HSD17B12: variants seen among roughly 807,000 people sequenced by gnomAD.
HSD17B12 encodes very-long-chain 3-oxoacyl-CoA reductase.
HSD17B12 carries 32 observed loss-of-function variants against 39.3 expected under a neutral mutation model. The observed-to-expected ratio is 0.81, with a 90% CI of 0.61 to 1.09. The LOEUF (loss-of-function observed/expected upper bound fraction) is 1.09, where lower values mean the gene tolerates loss of function less well. HSD17B12 is among the 50% of genes least tolerant of loss of function. HSD17B12 has a pLI of 0.00. For synonymous variants in HSD17B12, 150 were observed against 146.7 expected (o/e 1.02, Z -0.16); for missense variants, 342 against 382.9 (o/e 0.89, Z 0.89).
chr11:43,797,810 C>A (rs1950928613), intron 3 of HSD17B12, among the ~76,000 whole-genome samples: 1 of 152,166 alleles, frequency 6.6e-6, no homozygotes, highest in African/African-American at 2.4e-5. Flanking sequence ...TGATTATTAA[C>A]TATTAACCAA....
intron 6 of HSD17B12, among the ~76,000 whole-genome samples, chr11:43,818,985 T>C (rs1951156272): frequency 6.6e-6 from 1 of 152,340 alleles, no homozygotes; most frequent in African/African-American, 2.4e-5. Context: ...TACTATTATT[T>C]TGATATATCT....
the HSD17B12 span, among the ~76,000 whole-genome samples, chr11:43,624,899 A>G: frequency 7.2e-5 from 11 of 151,828 alleles, no homozygotes; most frequent in African/African-American, 2.4e-4. Context: ...CTAACAGAAA[A>G]TTAGAAGCAT....
At chr11:43,764,780 T>C (rs889274567) in intron 3 of HSD17B12, among the ~76,000 whole-genome samples, 1 of 152,170 alleles carries the variant, frequency 6.6e-6, no homozygotes, top group African/African-American at 2.4e-5. Context: ...TTCTTTTTCC[T>C]TTAATCTATA....
intron 9 of HSD17B12, among the ~76,000 whole-genome samples, chr11:43,841,325 C>T (rs1235067865): frequency 1.3e-5 from 2 of 152,196 alleles, no homozygotes; most frequent in East Asian, 1.9e-4. Flanking sequence ...TCTCCCACTT[C>T]GTGAGTTGCC....
At chr11:43,767,101 C>T (rs1245413452) in intron 3 of HSD17B12, among the ~76,000 whole-genome samples, 1 of 152,032 alleles carries the variant, frequency 6.6e-6, no homozygotes, top group Non-Finnish European at 1.5e-5. Flanking sequence ...CGTGGCCAGA[C>T]ACTAGCTGTA....
chr11:43,587,366 C>T, the HSD17B12 span, among the ~76,000 whole-genome samples: 4 of 151,884 alleles, frequency 2.6e-5, no homozygotes, highest in South Asian at 8.3e-4. Context: ...CTCAGGACAT[C>T]CCTAGGTTCC....
chr11:43,775,485 T>A (rs76351411), intron 3 of HSD17B12, among the ~76,000 whole-genome samples: 1 of 93,596 alleles, frequency 1.1e-5, no homozygotes, highest in East Asian at 2.0e-4. Flanking sequence ...ATTTTAAGAA[T>A]TTTTTTTTTA....
chr11:43,765,235 T>C (rs1157448307), intron 3 of HSD17B12, among the ~76,000 whole-genome samples: 1 of 152,134 alleles, frequency 6.6e-6, no homozygotes, highest in Non-Finnish European at 1.5e-5. Context: ...GATTCATTCT[T>C]TTTGTATATC....
the HSD17B12 span, among the ~76,000 whole-genome samples, chr11:43,653,638 AGAACATGTGGTGTTTG>A: frequency 6.6e-6 from 1 of 152,054 alleles, no homozygotes; most frequent in Non-Finnish European, 1.5e-5. Flanking sequence ...CCTATGAGTG[AGAACATGTGGTGTTTG>A]GTTTTTTGTC....
intron 6 of HSD17B12, chr11:43,830,310 T>C (rs1951295122): frequency 6.6e-6 from 1 of 152,208 alleles, no homozygotes; most frequent in Non-Finnish European, 1.5e-5. Context: ...CTTTTCTTGG[T>C]TAATAATATA....
chr11:43,624,461 C>T, the HSD17B12 span, among the ~76,000 whole-genome samples: 1 of 151,804 alleles, frequency 6.6e-6, no homozygotes, highest in African/African-American at 2.4e-5. Flanking sequence ...ATTAAGCTAT[C>T]TGTAAACTGG....
At chr11:43,837,958 T>C in intron 7 of HSD17B12, 1 of 204,924 alleles carries the variant, frequency 4.9e-6, no homozygotes, top group South Asian at 1.3e-4. Flanking sequence ...TATGTTAAAA[T>C]AAAGGTGTAT....
intron 3 of HSD17B12, among the ~76,000 whole-genome samples, chr11:43,765,335 C>T (rs1046173525): frequency 6.6e-6 from 1 of 152,008 alleles, no homozygotes; most frequent in African/African-American, 2.4e-5. Flanking sequence ...GGTACTTAAA[C>T]TACTTTGCTT....
the HSD17B12 span, among the ~76,000 whole-genome samples, chr11:43,618,603 G>GTT: frequency 1.3e-5 from 2 of 152,146 alleles, no homozygotes; most frequent in Non-Finnish European, 2.9e-5. Flanking sequence ...ATGTCCTACT[G>GTT]AAGGGTTGGT....
intron 1 of HSD17B12, among the ~76,000 whole-genome samples, chr11:43,710,349 A>G (rs1332496524): frequency 1.3e-5 from 2 of 152,242 alleles, no homozygotes; most frequent in African/African-American, 2.4e-5. Context: ...CTTGACTTAC[A>G]GATTTTAAAG....
chr11:43,589,546 C>T, the HSD17B12 span, among the ~76,000 whole-genome samples: 1 of 152,064 alleles, frequency 6.6e-6, no homozygotes. Flanking sequence ...TGGAGCCTTC[C>T]CCATGTACCT....
At chr11:43,785,203 T>C (rs1950804643) in intron 3 of HSD17B12, among the ~76,000 whole-genome samples, 1 of 152,156 alleles carries the variant, frequency 6.6e-6, no homozygotes, top group Non-Finnish European at 1.5e-5. Flanking sequence ...TTCGGGTTAC[T>C]TGACCAAGTA....
chr11:43,632,511 T>A, the HSD17B12 span, among the ~76,000 whole-genome samples: 1 of 152,256 alleles, frequency 6.6e-6, no homozygotes, highest in Admixed American at 6.5e-5. Flanking sequence ...TTTATGGCTC[T>A]TCTTTCCTAC....
At chr11:43,770,599 G>C (rs1339325633) in intron 3 of HSD17B12, among the ~76,000 whole-genome samples, 3 of 152,154 alleles carry the variant, frequency 2.0e-5, no homozygotes, top group Non-Finnish European at 4.4e-5. Context: ...AGCCAGGCTT[G>C]ATGGTGTGCA....
Sources: allele counts gnomAD v4.1 joint callset (sites outside exome capture counted in the v4.1 genomes callset), GRCh38; gene constraint gnomAD v4.1.1; transcripts MANE v1.5; gene names NCBI Gene and HGNC (gene_info 2026-07-23, HGNC 2026-07-21).